SLC44A2: variants seen among roughly 807,000 people sequenced by gnomAD.
The protein encoded by SLC44A2 is solute carrier family 44 member 2 (CTL2 blood group).
A neutral mutation model predicts 90.8 loss-of-function variants in SLC44A2; 57 were observed. That is an observed-to-expected ratio of 0.63 (90% CI 0.51 to 0.78). SLC44A2 has a LOEUF of 0.78. Ranked by LOEUF, SLC44A2 falls within the 30% of genes least tolerant of loss-of-function variation. The probability of loss-of-function intolerance (pLI) is 0.00; values close to 1 mark genes in which losing one functional copy is unlikely to be tolerated. For synonymous variants in SLC44A2, 355 were observed against 360.7 expected, an observed-to-expected ratio of 0.98 and a Z score of 0.18; for missense variants, 794 against 919.7, an observed-to-expected ratio of 0.86 and a Z score of 1.77.
At chr19:10,635,339 A>T in intron 13 of SLC44A2, 84 bp downstream of exon 13, 1 of 1,604,484 alleles carries the variant, frequency 6.2e-7, no homozygotes, top group East Asian at 2.2e-5. Context: ...GCTTAGGGAT[A>T]GGGCTGGAAA....
At chr19:10,628,604 A>G (rs1437706772) in intron 4 of SLC44A2, among the ~76,000 whole-genome samples, 1 of 152,178 alleles carries the variant, frequency 6.6e-6, no homozygotes, top group African/African-American at 2.4e-5. Context: ...CACTACCCTC[A>G]GCCACTAGTC....
At chr19:10,624,518 G>T (rs538758974), upstream of SLC44A2, among the ~76,000 whole-genome samples, 1 of 151,912 alleles carries the variant, frequency 6.6e-6, no homozygotes, top group Non-Finnish European at 1.5e-5. Flanking sequence ...GGCCAGGCTG[G>T]CTTAGAAATC....
At chr19:10,611,968 CT>C (rs1335013338) in intron 1 of SLC44A2, among the ~76,000 whole-genome samples, 10 of 152,146 alleles carry the variant, frequency 6.6e-5, no homozygotes, top group African/African-American at 2.4e-4. Flanking sequence ...TTCTACAAAT[CT>C]TTGGCTAGCT....
At position 10,631,105 on chromosome 19, in the gene SLC44A2, C is replaced by T; in HGVS notation, c.294C>T (p.Pro98=). Residue 98 remains proline (P), a synonymous_variant, in exon 5 of 22, where the codon CCC becomes CCT. Transcript: ENST00000335757. ...TCAACATTGTGAAATGTGCCAGCCC[C>T]CTGGTTCTGCTGGAATTCCAATGTC... The part of the protein sequence containing the change: ...FYFNIVKCAS[P]LVLLEFQCPT... The T allele has an allele frequency of 6.2e-7, 1 of 1,614,142 alleles. No homozygotes were observed. The highest frequency in any genetic ancestry group is 1.3e-5 in the African/African-American group (1 of 75,028).
At position 10,636,406 on chromosome 19, in the gene SLC44A2, C is replaced by T. The variant is rs2067054463; in HGVS notation, c.1317C>T (p.His439=). ...FAFYGGESGY[H]RALLGLQIFN... is the part of the protein sequence containing the mutation. ...TCTACGGTGGTGAGTCGGGCTACCA[C>T]CGGGCCCTGCTGGGCCTGCAGATCT... Residue 439 remains histidine, a synonymous_variant, in exon 15 of 22, where the codon CAC becomes CAT. Transcript: ENST00000335757. 1.2e-6 allele frequency: 2 copies of T among 1,613,976 alleles called. No individual in the cohort carries two copies. The highest frequency in any genetic ancestry group is 1.3e-5 in the African/African-American group (1 of 74,918).
At position 10,614,492 on chromosome 19, in the gene SLC44A2, C is replaced by G. The variant is rs865832602; in HGVS notation, c.32-11761C>G. Among the ~76,000 whole-genome samples, 4 of 152,162 alleles carry G rather than the reference C, an allele frequency of 2.6e-5. No individual in the cohort carries two copies. In the South Asian group the frequency reaches 8.3e-4, roughly 32 times the overall value. On this transcript the variant is annotated intron_variant, in intron 1 of 21. Transcript: ENST00000407327. ...AAGAGATCCTCCCACCTCAGCCTCC[C>G]AAAATGCTGGGATTGCAGGCATGAG...
chr19:10,637,952 C>T (rs2067076840), intron 18 of SLC44A2, 23 bp downstream of exon 18: 1 of 1,613,966 alleles, frequency 6.2e-7, no homozygotes, highest in African/African-American at 1.3e-5. Flanking sequence ...TATCATCTTC[C>T]TCCTGCCACC....
Position 10,636,982 on chromosome 19 carries a change from C to CG in SLC44A2, c.1591+226_1591+227insG, listed in dbSNP as rs1568454396. On this transcript the variant is annotated intron_variant, in intron 16 of 21. Coordinates refer to ENST00000335757, the MANE Select transcript of SLC44A2 (RefSeq NM_020428.4). Reference sequence around the variant, plus strand: ...AATTCTTGCTGTTGAGGGGACAGGCCCAAGAGGCCTGGCCCACCATTGGTT... The same window carrying CG: ...AATTCTTGCTGTTGAGGGGACAGGCCGCAAGAGGCCTGGCCCACCATTGGTT... 5.8e-6 allele frequency: 3 copies of CG among 518,230 alleles called. No individual in the cohort carries two copies. The African/African-American group carries it at 5.8e-5, about 10-fold the overall frequency. 32.1% of individuals were successfully genotyped at this position (518,230 alleles called of 1,614,324 possible). A position where few individuals can be genotyped will look rare whatever the true frequency, so the allele number is the denominator to read the frequency against.
Position 10,628,022 on chromosome 19 carries a change from G to A in SLC44A2, c.245+18G>A, listed in dbSNP as rs745478532. ...AAAAACGAGTGAGTTGACTCCTTGC[G>A]GCCTGGTGGGGCTGGGGAAGAGGGG... is the stretch of plus-strand genomic sequence containing the variant. On this transcript the variant is annotated intron_variant, in intron 4 of 21. Coordinates refer to ENST00000335757, the MANE Select transcript of SLC44A2 (RefSeq NM_020428.4). 47 of 1,602,166 alleles carry A rather than the reference G, an allele frequency of 2.9e-5. 1 individual carries two copies. Among genetic ancestry groups the A allele is most frequent in the Admixed American group, 3.4e-5 (2 of 58,570 alleles).
At chr19:10,615,676 A>T (rs2066849736) in intron 1 of SLC44A2, among the ~76,000 whole-genome samples, 1 of 152,068 alleles carries the variant, frequency 6.6e-6, no homozygotes, top group African/African-American at 2.4e-5. Flanking sequence ...GAGGCAGAAG[A>T]AAAATTGTGT....
intron 4 of SLC44A2, 132 bp from the exon 5 acceptor site, chr19:10,630,925 A>G (rs922795228): frequency 1.5e-6 from 1 of 661,632 alleles, no homozygotes; most frequent in African/African-American, 1.8e-5. Flanking sequence ...GAATTGCTTG[A>G]ACCCGGGAGG....
chr19:10,636,633 C>T (rs1338199272), intron 15 of SLC44A2, 29 bp from the exon 16 acceptor site: 8 of 1,609,556 alleles, frequency 5.0e-6, no homozygotes, highest in Non-Finnish European at 6.8e-6. Flanking sequence ...AGGCCTGGCC[C>T]AGCCACCGAC....
chr19:10,642,269 C>G, intron 20 of SLC44A2, 98 bp from the exon 21 acceptor site: 1 of 974,838 alleles, frequency 1.0e-6, no homozygotes, highest in Non-Finnish European at 1.6e-6. Context: ...GGTTTCTCAG[C>G]AGGGGAAGGA....
Position 10,637,542 on chromosome 19 carries a change from G to A in SLC44A2, c.1592-102G>A, listed in dbSNP as rs907501349. The A allele has an allele frequency of 9.4e-6, 10 of 1,065,438 alleles. No individual in the cohort carries two copies. In the Admixed American group the frequency reaches 1.2e-4, roughly 13 times the overall value. The allele number at this position is 1,065,438 out of a possible 1,614,324, so 66.0% of individuals were successfully genotyped here. ...CTGTCTCTTTGACAGCGTGGACTCA[G>A]GAGACCTGGACATTGGCAAGTGTGT... On this transcript the variant is annotated intron_variant, in intron 16 of 21. Transcript: ENST00000335757.
At position 10,631,411 on chromosome 19, in the gene SLC44A2, A is replaced by T. The variant is rs762931287; in HGVS notation, c.441+26A>T. On this transcript the variant is annotated intron_variant, in intron 6 of 21. Transcript: ENST00000335757. ...GTGAGTTGTAGACTGTCCTGAGAGC[A>T]CAGGTATGGGCAGTGGCAGTGTACT... is the stretch of plus-strand genomic sequence containing the variant. The T allele has an allele frequency of 5.0e-6, 8 of 1,613,976 alleles. No individual in the cohort carries two copies. The South Asian group carries it at 8.8e-5, about 18-fold the overall frequency.
In SLC44A2 at chr19:10,636,793, C is replaced by T. The variant is rs530801055; in HGVS notation, c.1591+37C>T. ...CCACGGTTCGCATTAGCTCCTGTTG[C>T]GGGGCGAGGCTGAATAGCGAACCAG... On this transcript the variant is annotated intron_variant, in intron 16 of 21. Transcript: ENST00000335757. 4 of 1,587,410 alleles carry T rather than the reference C, an allele frequency of 2.5e-6. No homozygotes were observed. In the East Asian group the frequency reaches 6.9e-5, roughly 27 times the overall value.
At chr19:10,610,631 C>CTTT (rs56002726) in intron 1 of SLC44A2, among the ~76,000 whole-genome samples, 27 of 48,012 alleles carry the variant, frequency 5.6e-4, no homozygotes, top group Non-Finnish European at 7.3e-4. Context: ...CCGCGCCTGG[C>CTTT]TTTTTTTTTT....
upstream of SLC44A2, among the ~76,000 whole-genome samples, chr19:10,621,425 T>TG (rs2066893809): frequency 7.1e-6 from 1 of 140,574 alleles, no homozygotes; most frequent in Non-Finnish European, 1.5e-5. Flanking sequence ...GTTGGGTGTT[T>TG]TTTTTTTTTT....
At chr19:10,629,684 C>T (rs1211016228) in intron 4 of SLC44A2, among the ~76,000 whole-genome samples, 1 of 151,988 alleles carries the variant, frequency 6.6e-6, no homozygotes, top group Non-Finnish European at 1.5e-5. Context: ...CTTAAGCGAT[C>T]TTCCCACCTG....
Sources: gnomAD v4.1 joint callset for allele counts (sites outside exome capture counted in the v4.1 genomes callset) on GRCh38, gnomAD v4.1.1 for gene constraint, MANE v1.5 for transcripts, NCBI Gene and HGNC (gene_info 2026-07-23, HGNC 2026-07-21) for gene names.